Variants in CACNA1A observed in about 807,000 individuals in gnomAD.
The protein encoded by CACNA1A is voltage-dependent P/Q-type calcium channel subunit alpha-1A.
A neutral mutation model predicts 262.4 loss-of-function variants in CACNA1A; 57 were observed. The observed-to-expected ratio is 0.22, with a 90% CI of 0.18 to 0.27. The LOEUF is 0.27. Among genes scored for constraint, CACNA1A ranks in the 10% least tolerant of loss-of-function variants. CACNA1A has a pLI of 1.00. For synonymous variants in CACNA1A, 1,431 were observed against 1,419.3 expected (o/e 1.01, Z -0.18); for missense variants, 2,526 against 3,562.8 (o/e 0.71, Z 7.41).
At chr19:13,372,864 G>A (rs921866167) in intron 3 of CACNA1A, among the ~76,000 whole-genome samples, 8 of 152,220 alleles carry the variant, frequency 5.3e-5, no homozygotes, top group African/African-American at 1.7e-4. Flanking sequence ...GTAAATGCAA[G>A]TTAGTAAGGA....
At chr19:13,364,292 A>G (rs2059167079) in intron 5 of CACNA1A, 1 of 152,210 alleles carries the variant, frequency 6.6e-6, no homozygotes, top group Non-Finnish European at 1.5e-5. Context: ...AACAAAATAA[A>G]TCCATGGGTT....
chr19:13,391,813 G>T (rs1224977197), intron 3 of CACNA1A, among the ~76,000 whole-genome samples: 1 of 151,988 alleles, frequency 6.6e-6, no homozygotes, highest in Non-Finnish European at 1.5e-5. Flanking sequence ...GAGGCAGGAG[G>T]ACTGCTTGAG....
Position 13,384,615 on chromosome 19 carries a change from G to C in CACNA1A, c.540-12836C>G, listed in dbSNP as rs1055410261. ...CTTGGGAGGCTGAGGCAGGAGAATCGCTTGAACCTGGGAGGCAGAGGTTGC... is the reference window on the plus strand; with the variant it reads ...CTTGGGAGGCTGAGGCAGGAGAATCCCTTGAACCTGGGAGGCAGAGGTTGC... On this transcript the variant is annotated intron_variant, in intron 3 of 46. Coordinates refer to ENST00000360228, the MANE Select transcript of CACNA1A (RefSeq NM_001127222.2). Among the ~76,000 whole-genome samples the C allele has an allele frequency of 2.6e-5, 4 of 152,098 alleles. No individual in the cohort carries two copies. In the South Asian group the frequency reaches 6.2e-4, roughly 24 times the overall value.
intron 4 of CACNA1A, among the ~76,000 whole-genome samples, chr19:13,369,751 G>C (rs1284034241): frequency 6.6e-6 from 1 of 152,304 alleles, no homozygotes; most frequent in South Asian, 2.1e-4. Flanking sequence ...CAATCGTCCT[G>C]CCTTGGCCTC....
intron 44 of CACNA1A, among the ~76,000 whole-genome samples, 199 bp downstream of exon 44, chr19:13,210,418 G>C (rs1416080145): frequency 6.6e-6 from 1 of 152,152 alleles, no homozygotes; most frequent in Non-Finnish European, 1.5e-5. Flanking sequence ...GGATGGCCCC[G>C]CCCACCAGGG....
chr19:13,245,462 C>A, intron 30 of CACNA1A, 197 bp from the exon 31 acceptor site: 1 of 583,568 alleles, frequency 1.7e-6, no homozygotes, highest in Non-Finnish European at 3.1e-6. Flanking sequence ...CTCCTGGGGG[C>A]CTTCCCATGA....
chr19:13,438,266 T>G (rs1237613529), intron 3 of CACNA1A, among the ~76,000 whole-genome samples: 1 of 152,230 alleles, frequency 6.6e-6, no homozygotes, highest in African/African-American at 2.4e-5. Flanking sequence ...GGGGCCCCAG[T>G]GGCCCCAGGT....
At chr19:13,403,055 C>G (rs1474262531) in intron 3 of CACNA1A, among the ~76,000 whole-genome samples, 1 of 151,460 alleles carries the variant, frequency 6.6e-6, no homozygotes, top group East Asian at 1.9e-4. Flanking sequence ...TCTTGCACCC[C>G]AGAAAGTGGC....
intron 30 of CACNA1A, 56 bp from the exon 31 acceptor site, chr19:13,245,321 C>G: frequency 7.0e-7 from 1 of 1,426,786 alleles, no homozygotes; most frequent in Non-Finnish European, 9.9e-7. Context: ...TTCCCGGCCC[C>G]CTAGGCTGGC....
Position 13,406,472 on chromosome 19 carries a change from TA to T in CACNA1A, c.540-34694del, listed in dbSNP as rs1198289472. On this transcript the variant is annotated intron_variant, in intron 3 of 46. Coordinates refer to ENST00000360228, the MANE Select transcript of CACNA1A (RefSeq NM_001127222.2). The stretch of plus-strand genomic sequence containing the variant: ...TCTGTCTCAAAAAAAAAATTATATA[TA>T]TATATATATATATATATATATATAT... Among the ~76,000 whole-genome samples, 44 of 60,026 alleles carry T rather than the reference TA, an allele frequency of 7.3e-4. 1 individual carries two copies. The highest frequency in any genetic ancestry group is 3.0e-3 in the African/African-American group (35 of 11,702). 39.4% of individuals were successfully genotyped at this position (60,026 alleles called of 152,430 possible).
chr19:13,217,463 A>G (rs1382146259), intron 38 of CACNA1A, among the ~76,000 whole-genome samples: 1 of 152,156 alleles, frequency 6.6e-6, no homozygotes, highest in Non-Finnish European at 1.5e-5. Context: ...CATCTGCTCA[A>G]AGGGCTGCCA....
chr19:13,363,406 G>A (rs10418748), intron 5 of CACNA1A: 75,718 of 150,946 alleles, frequency 0.5, 21,340 homozygotes, highest in African/African-American at 0.78. Flanking sequence ...CTTCTTCATC[G>A]GGGAAAGAAA....
intron 19 of CACNA1A, among the ~76,000 whole-genome samples, chr19:13,291,863 A>G (rs984798275): frequency 6.6e-6 from 1 of 152,054 alleles, no homozygotes; most frequent in Non-Finnish European, 1.5e-5. Flanking sequence ...AGTGCTAAGT[A>G]ATTAACCACT....
Position 13,299,189 on chromosome 19 carries a change from A to G in CACNA1A, c.2444T>C (p.Met815Thr), listed in dbSNP as rs755845275. Residue 815 changes from methionine to threonine, a missense_variant, in exon 19 of 47, where the codon ATG becomes ACG. Met to Thr is a moderately conservative substitution (Grantham distance 81, BLOSUM62 -1). Around this residue, in one of 17 missense-constraint regions of CACNA1A, gnomAD observed 765 missense variants for 748.6 expected, o/e 1.02. Coordinates refer to ENST00000360228, the MANE Select transcript of CACNA1A (RefSeq NM_001127222.2). ...AAYTRHLRPD[M>T]KTHLDRPLVV... ...CAGCGGCCGGTCCAAGTGCGTCTTCATGTCTGGCCGCAGGTGCCGCGTGTA... is the reference window on the plus strand; with the variant it reads ...CAGCGGCCGGTCCAAGTGCGTCTTCGTGTCTGGCCGCAGGTGCCGCGTGTA... 1.9e-6 allele frequency: 3 copies of G among 1,612,518 alleles called. No homozygotes were observed. The South Asian group carries it at 3.3e-5, about 18-fold the overall frequency.
intron 6 of CACNA1A, among the ~76,000 whole-genome samples, chr19:13,340,289 G>A (rs937022180): frequency 2.0e-5 from 3 of 152,062 alleles, no homozygotes; most frequent in Non-Finnish European, 4.4e-5. Context: ...CACAGGACAT[G>A]CTACCCAGCA....
intron 38 of CACNA1A, among the ~76,000 whole-genome samples, chr19:13,220,844 T>G (rs1229306692): frequency 6.6e-6 from 1 of 152,176 alleles, no homozygotes; most frequent in Admixed American, 6.6e-5. Flanking sequence ...CAGGCTGATC[T>G]TGAACTCCTG....
At chr19:13,235,428 A>T (rs978519759) in intron 32 of CACNA1A, among the ~76,000 whole-genome samples, 154 bp from the exon 33 acceptor site, 1 of 152,316 alleles carries the variant, frequency 6.6e-6, no homozygotes, top group African/African-American at 2.4e-5. Flanking sequence ...TGGGGGCTCT[A>T]GGATGAGGCC....
chr19:13,494,613 G>A (rs557659526), intron 1 of CACNA1A, among the ~76,000 whole-genome samples: 12 of 152,258 alleles, frequency 7.9e-5, no homozygotes, highest in South Asian at 2.1e-4. Flanking sequence ...GTGTTAGTCC[G>A]TTTTCACACT....
At position 13,211,892 on chromosome 19, in the gene CACNA1A, T is replaced by C. The variant is rs1207202390; in HGVS notation, c.6303+211A>G. 3 of 552,050 alleles carry C rather than the reference T, an allele frequency of 5.4e-6. No homozygotes were observed. In the East Asian group the frequency reaches 9.3e-5, roughly 17 times the overall value. 34.2% of individuals were successfully genotyped at this position (552,050 alleles called of 1,614,324 possible). ...CTGCCCCAGGGGGAGCACTTTCCTCTCTGTCCTCTGTGAGGGAGGAGGGTC... is the reference window on the plus strand; with the variant it reads ...CTGCCCCAGGGGGAGCACTTTCCTCCCTGTCCTCTGTGAGGGAGGAGGGTC... On this transcript the variant is annotated intron_variant, in intron 43 of 46. Coordinates refer to ENST00000360228, the MANE Select transcript of CACNA1A (RefSeq NM_001127222.2).
Sources: gnomAD v4.1 joint callset for allele counts (sites outside exome capture counted in the v4.1 genomes callset) on GRCh38, gnomAD v4.1.1 for gene constraint, gnomAD v4.1.1 regional missense constraint, MANE v1.5 for transcripts, NCBI Gene and HGNC (gene_info 2026-07-23, HGNC 2026-07-21) for gene names.